The following MTSS2 variants were observed in gnomAD, a reference collection of about 807,000 sequenced individuals.
MTSS2 encodes MTSS I-BAR domain containing 2, also known as protein MTSS 2.
In MTSS2, 27 loss-of-function variants were observed where a neutral mutation model predicts 67.1. The ratio of observed to expected loss-of-function variants is 0.40; its 90% CI spans 0.30 to 0.55. The LOEUF (loss-of-function observed/expected upper bound fraction) is 0.55, where lower values mean the gene tolerates loss of function less well. MTSS2 is among the 20% of genes least tolerant of loss of function. The probability of loss-of-function intolerance (pLI) is 0.43; values close to 1 mark genes in which losing one functional copy is unlikely to be tolerated. For synonymous variants in MTSS2, 624 were observed against 468.6 expected (o/e 1.33, Z -4.28); for missense variants, 1,171 against 1,067.8 (o/e 1.10, Z -1.35).
intron 11 of MTSS2, among the ~76,000 whole-genome samples, chr16:70,672,385 CA>C (rs1274161866): frequency 1.5e-5 from 2 of 133,646 alleles, no homozygotes; most frequent in African/African-American, 5.6e-5. Context: ...AACCCGGGAA[CA>C]TTATGTAGGG....
At position 70,665,104 on chromosome 16, in the gene MTSS2, G is replaced by A. The variant is rs765122516; in HGVS notation, c.1129-8C>T. ...GCCGACCTTGGACCAGTCCTGCAGG[G>A]AGGGTGTGGCAGGTCAGGGGGACCA... On this transcript the variant is annotated splice_polypyrimidine_tract_variant and splice_region_variant and intron_variant, in intron 12 of 14. Transcript: ENST00000338779. The A allele has an allele frequency of 1.9e-5, 30 of 1,589,070 alleles. No individual in the cohort carries two copies. The highest frequency in any genetic ancestry group is 6.7e-5 in the African/African-American group (5 of 74,802).
At chr16:70,672,447 C>T (rs2052972140) in intron 11 of MTSS2, among the ~76,000 whole-genome samples, 1 of 148,952 alleles carries the variant, frequency 6.7e-6, no homozygotes, top group Non-Finnish European at 1.5e-5. Flanking sequence ...AGAGAGAAAA[C>T]TGGCAAAAAT....
At position 70,678,270 on chromosome 16, in the gene MTSS2, G is replaced by C; in HGVS notation, c.606C>G (p.Thr202=). The C allele has an allele frequency of 6.2e-7, 1 of 1,610,464 alleles. No homozygotes were observed. ...EERGRFCTFI[T]FLQPVVNGEL... is the part of the protein sequence containing the mutation. ...GTCCCACCACCACAGGCTGCAGGAA[G>C]GTGATGAAGGTGCAGAAGCGGCCCC... is the stretch of plus-strand genomic sequence containing the variant. Residue 202 remains threonine (T), a synonymous_variant, in exon 8 of 15, where the codon ACC becomes ACG. Coordinates refer to ENST00000338779, the MANE Select transcript of MTSS2 (RefSeq NM_138383.3).
chr16:70,673,588 G>T (rs1408234112), intron 11 of MTSS2, among the ~76,000 whole-genome samples: 1 of 152,108 alleles, frequency 6.6e-6, no homozygotes, highest in Non-Finnish European at 1.5e-5. Flanking sequence ...CAGAAAGAAA[G>T]AAAATAAGCT....
Position 70,680,103 on chromosome 16 carries a change from A to T in MTSS2, c.206-48T>A, listed in dbSNP as rs1396470366. 1.1e-5 allele frequency: 14 copies of T among 1,312,768 alleles called. No homozygotes were observed. In the South Asian group the frequency reaches 2.3e-4, roughly 21 times the overall value. The allele number at this position is 1,312,768 out of a possible 1,614,324, so 81.3% of individuals were successfully genotyped here. On this transcript the variant is annotated intron_variant, in intron 3 of 14. Coordinates refer to ENST00000338779, the MANE Select transcript of MTSS2 (RefSeq NM_138383.3). ...GGAAGGGGCCCGCTGGGGCCTGCGC[A>T]GTCCCGGCCTCGGGCCAGGAGGGGG...
chr16:70,662,375 G>C lies in MTSS2; in HGVS notation c.*1302C>G, dbSNP rs1380403837. On this transcript the variant is annotated 3_prime_UTR_variant, in exon 15 of 15. Transcript: ENST00000338779. Reference sequence around the variant, plus strand: ...GAGACTTGGCGTGACTTGGTGCGTGGGGTGGGGGCAGCCTTGCCCCTCCCC... The same window carrying C: ...GAGACTTGGCGTGACTTGGTGCGTGCGGTGGGGGCAGCCTTGCCCCTCCCC... 2.6e-5 allele frequency: 4 copies of C among 152,290 alleles called. No individual in the cohort carries two copies. Among genetic ancestry groups the C allele is most frequent in the Non-Finnish European group, 5.9e-5 (4 of 68,138 alleles). The allele number at this position is 152,290 out of a possible 1,614,324, so 9.4% of individuals were successfully genotyped here.
chr16:70,679,752 G>A (rs770202740), intron 5 of MTSS2, 34 bp downstream of exon 5: 5 of 1,610,174 alleles, frequency 3.1e-6, no homozygotes, highest in Middle Eastern at 1.6e-4. Flanking sequence ...CTGCGGAGTG[G>A]GGGGTGGGAA....
chr16:70,674,754 G>T (rs1029030066), intron 10 of MTSS2, among the ~76,000 whole-genome samples: 1 of 152,228 alleles, frequency 6.6e-6, no homozygotes, highest in Admixed American at 6.5e-5. Context: ...CCAGTGCTGA[G>T]GGGAGCCGTG....
intron 6 of MTSS2, 118 bp downstream of exon 6, chr16:70,679,511 TC>T: frequency 7.9e-7 from 1 of 1,269,774 alleles, no homozygotes; most frequent in Non-Finnish European, 1.1e-6. Flanking sequence ...GGTTGGAGGG[TC>T]CTGTGTCGGG....
At position 70,661,237 on chromosome 16, in the gene MTSS2, A is replaced by G. The variant is rs1301179257; in HGVS notation, c.*2440T>C. The G allele has an allele frequency of 8.8e-6, 4 of 455,552 alleles. No individual in the cohort carries two copies. The highest frequency in any genetic ancestry group is 1.8e-5 in the Non-Finnish European group (4 of 226,710). 28.2% of individuals were successfully genotyped at this position (455,552 alleles called of 1,614,324 possible). A position where few individuals can be genotyped will look rare whatever the true frequency, so the allele number is the denominator to read the frequency against. On this transcript the variant is annotated 3_prime_UTR_variant, in exon 15 of 15. Coordinates refer to ENST00000338779, the MANE Select transcript of MTSS2 (RefSeq NM_138383.3). Reference sequence around the variant, plus strand: ...ACAGTACACCTTTATTAATACTGGAATCTTCACAGTGCATCTGTTACTTGT... The same window carrying G: ...ACAGTACACCTTTATTAATACTGGAGTCTTCACAGTGCATCTGTTACTTGT...
intron 2 of MTSS2, 46 bp downstream of exon 2, chr16:70,680,918 G>GGGGGGGGGGGCCC: frequency 9.1e-7 from 1 of 1,097,898 alleles, no homozygotes; most frequent in African/African-American, 1.6e-5. Context: ...CGGGGGGGGG[G>GGGGGGGGGGGCCC]CCTCTGCCTG....
rs2053241797 is a variant in MTSS2 at position 70,679,854 on chromosome 16, T to C, written c.314A>G (p.Asn105Ser). The change falls in exon 5 of 15, where the codon AAC (asparagine) becomes AGC (serine). Residue 105 changes from asparagine to serine, a missense_variant. Physicochemically the swap from Asn to Ser is conservative, Grantham distance 46. This residue lies in a region of MTSS2 where 247 missense variants were observed against 311.8 expected (regional missense o/e 0.79). Coordinates refer to ENST00000338779, the MANE Select transcript of MTSS2 (RefSeq NM_138383.3). ...GTCCTCGATGCGCTCCTGCAGCGGG[T>C]TGATGAGGCTCTCCAGCAGTGCGCT... ...FTNALLESLI[N>S]PLQERIEDWK... The C allele has an allele frequency of 7.5e-6, 12 of 1,603,370 alleles. No homozygotes were observed. The highest frequency in any genetic ancestry group is 5.0e-5 in the Admixed American group (3 of 59,908).
chr16:70,665,471 T>C lies in MTSS2; in HGVS notation c.1123A>G (p.Thr375Ala), dbSNP rs1487404669. 1.3e-6 allele frequency: 2 copies of C among 1,553,434 alleles called. No homozygotes were observed. Among genetic ancestry groups the C allele is most frequent in the South Asian group, 2.4e-5 (2 of 84,204 alleles). Residue 375 changes from threonine (T) to alanine (A), a missense_variant, in exon 12 of 15, where the codon ACC becomes GCC. Thr to Ala is a moderately conservative substitution (Grantham distance 58). Transcript: ENST00000338779. The part of the protein sequence containing the change: ...CQSVSECSSP[T>A]SDWSKVGSHE... ...GCCGGGCTGGGAGCACTGACCGAGG[T>C]GGGGGAGCTGCACTCGCTAACGGAC...
intron 11 of MTSS2, among the ~76,000 whole-genome samples, chr16:70,669,908 A>C (rs1022448002): frequency 2.5e-4 from 38 of 152,144 alleles, no homozygotes; most frequent in African/African-American, 8.4e-4. Context: ...CTCTGCACCC[A>C]CTAGAATGGC....
rs2052565964 is a variant in MTSS2 at position 70,663,417 on chromosome 16, G to A, written c.*260C>T. ...AGGGAAGAGGCAGGGCCCCAGAGGA[G>A]GAAGAGGAGGGACCGAAGAGCATAA... On this transcript the variant is annotated 3_prime_UTR_variant, in exon 15 of 15. Transcript: ENST00000338779. 3.7e-6 allele frequency: 2 copies of A among 542,714 alleles called. No homozygotes were observed. Among genetic ancestry groups the A allele is most frequent in the African/African-American group, 2.0e-5 (1 of 49,926 alleles). The allele number at this position is 542,714 out of a possible 1,614,324, so 33.6% of individuals were successfully genotyped here. A position where few individuals can be genotyped will look rare whatever the true frequency, so the allele number is the denominator to read the frequency against.
In MTSS2 at chr16:70,676,949, G is replaced by A. The variant is rs371220292; in HGVS notation, c.762C>T (p.Tyr254=). 7.4e-6 allele frequency: 12 copies of A among 1,613,852 alleles called. No homozygotes were observed. The highest frequency in any genetic ancestry group is 6.7e-5 in the African/African-American group (5 of 74,886). ...QVIKDLKGSD[Y]SWSYQTPPSS... Reference sequence around the variant, plus strand: ...AGGGTGGGGTCTGGTAGGACCAGCTGTAGTCCGAGCCCTTTAGGTCTTTGA... The same window carrying A: ...AGGGTGGGGTCTGGTAGGACCAGCTATAGTCCGAGCCCTTTAGGTCTTTGA... Residue 254 remains tyrosine, a synonymous_variant, in exon 10 of 15, where the codon TAC becomes TAT. Transcript: ENST00000338779.
At chr16:70,671,988 A>G (rs924660277) in intron 11 of MTSS2, among the ~76,000 whole-genome samples, 1 of 152,234 alleles carries the variant, frequency 6.6e-6, no homozygotes, top group Non-Finnish European at 1.5e-5. Flanking sequence ...ATGAAAAACA[A>G]AGAGGGACAG....
Position 70,661,296 on chromosome 16 carries a change from G to C in MTSS2, c.*2381C>G. The C allele has an allele frequency of 2.2e-6, 1 of 455,442 alleles. No homozygotes were observed. Among genetic ancestry groups the C allele is most frequent in the Admixed American group, 2.4e-5 (1 of 42,422 alleles). 28.2% of individuals were successfully genotyped at this position (455,442 alleles called of 1,614,324 possible). Reference sequence around the variant, plus strand: ...CTATATTTAAATCGGGGAGGATGGTGTGGAGGGGGCGGGGAGGAGAGGAGA... The same window carrying C: ...CTATATTTAAATCGGGGAGGATGGTCTGGAGGGGGCGGGGAGGAGAGGAGA... On this transcript the variant is annotated 3_prime_UTR_variant, in exon 15 of 15. Transcript: ENST00000338779.
In MTSS2 at chr16:70,679,974, G is replaced by C. The variant is rs754285792; in HGVS notation, c.287C>G (p.Thr96Ser). The C allele has an allele frequency of 4.0e-6, 6 of 1,507,528 alleles. No homozygotes were observed. Among genetic ancestry groups the C allele is most frequent in the Non-Finnish European group, 5.3e-6 (6 of 1,136,076 alleles). 93.4% of individuals were successfully genotyped at this position (1,507,528 alleles called of 1,614,324 possible). ...CCCGCCCGCAGCGCCCACTCACTTG[G>C]TGAACTGCCGCAGCTTGGTCTCGAT... The part of the protein sequence containing the change: ...RSIETKLRQF[T>S]NALLESLINP... Residue 96 changes from threonine to serine, a missense_variant, in exon 4 of 15, where the codon ACC (threonine) becomes AGC (serine). This residue lies in a region of MTSS2 where 247 missense variants were observed against 311.8 expected (regional missense o/e 0.79). Coordinates refer to ENST00000338779, the MANE Select transcript of MTSS2 (RefSeq NM_138383.3).
Sources: allele counts gnomAD v4.1 joint callset (sites outside exome capture counted in the v4.1 genomes callset), GRCh38; gene constraint gnomAD v4.1.1; regional missense constraint gnomAD v4.1.1; transcripts MANE v1.5; gene names NCBI Gene and HGNC (gene_info 2026-07-23, HGNC 2026-07-21).